The following CALU variants were observed in gnomAD, a reference collection of about 807,000 sequenced individuals.
The protein encoded by CALU is IEF SSP 9302.
Under a neutral mutation model 37.5 loss-of-function variants are expected in CALU, and 13 were observed. The ratio of observed to expected loss-of-function variants is 0.35; its 90% CI spans 0.23 to 0.55. CALU has a LOEUF of 0.55. Among genes scored for constraint, CALU ranks in the 20% least tolerant of loss-of-function variants. The pLI, the probability that CALU is intolerant of heterozygous loss-of-function variation, is 0.89. For missense variants in CALU, 282 were observed against 391.7 expected (o/e 0.72, Z 2.36); for synonymous variants, 114 against 133.8 (o/e 0.85, Z 1.02).
At chr7:128,750,286 A>G (rs1256431125) in intron 2 of CALU, among the ~76,000 whole-genome samples, 2 of 151,856 alleles carry the variant, frequency 1.3e-5, no homozygotes, top group Non-Finnish European at 2.9e-5. Flanking sequence ...TGTCATGCCC[A>G]TTAATATTGT....
Position 128,754,265 on chromosome 7 carries a change from G to C in CALU, c.225G>C (p.Lys75Asn). The change falls in exon 3 of 7, where the codon AAG (lysine) becomes AAC (asparagine). Residue 75 changes from lysine to asparagine, a missense_variant. Lys to Asn is a moderately conservative substitution (Grantham distance 94). Transcript: ENST00000249364. ...GATTTCTCTGCATTTTCTACAGAAA[G>C]ATTGTAAGTAAAATAGATGGCGACA... ...TPEESKERLG[K>N]IVSKIDGDKD... 1 of 1,605,828 alleles carries C rather than the reference G, an allele frequency of 6.2e-7. No homozygotes were observed. Among genetic ancestry groups the C allele is most frequent in the Non-Finnish European group, 8.5e-7 (1 of 1,176,398 alleles).
At chr7:128,743,626 G>T (rs545119716) in intron 1 of CALU, among the ~76,000 whole-genome samples, 33 of 151,700 alleles carry the variant, frequency 2.2e-4, no homozygotes, top group Non-Finnish European at 2.9e-4. Context: ...GGGCTCAGGC[G>T]ATCCTCCCAC....
intron 2 of CALU, 132 bp from the exon 3 acceptor site, chr7:128,754,130 G>A: frequency 1.5e-6 from 1 of 663,732 alleles, no homozygotes; most frequent in Non-Finnish European, 2.5e-6. Context: ...ATTTTTTTCA[G>A]TTGCTGGCCT....
In CALU at chr7:128,765,311, G is replaced by C. The variant is rs186470678; in HGVS notation, c.644-2145G>C. 2.0e-4 allele frequency among the ~76,000 whole-genome samples: 31 copies of C among 152,166 alleles called. No homozygotes were observed. In the South Asian group the frequency reaches 3.7e-3, roughly 18 times the overall value. On this transcript the variant is annotated intron_variant, in intron 5 of 6. Transcript: ENST00000249364. ...TCATGGTTCATTGCAGCCTCGATCT[G>C]CTAGGCTCAAGCCATCCTCCTGCCT...
rs763113986 is a variant in CALU, at chr7:128,772,063, GTT to G, written c.*2906_*2907del. ...TATTTGGGGCCACTGAGTTTTTTTT[GTT>G]TTTTTTTTTGTTTTGTTTTGTTTTT... On this transcript the variant is annotated 3_prime_UTR_variant, in exon 7 of 7. Transcript: ENST00000249364. Among the ~76,000 whole-genome samples, 2,755 of 66,664 alleles carry G rather than the reference GTT, an allele frequency of 0.041. 96 individuals are homozygous for G. Among genetic ancestry groups the G allele is most frequent in the African/African-American group, 0.11 (2,615 of 22,806 alleles). The allele number at this position is 66,664 out of a possible 152,430, so 43.7% of individuals were successfully genotyped here. A position where few individuals can be genotyped will look rare whatever the true frequency, so the allele number is the denominator to read the frequency against.
intron 3 of CALU, chr7:128,754,664 T>C (rs763607153): frequency 4.5e-6 from 7 of 1,552,210 alleles, no homozygotes; most frequent in Non-Finnish European, 6.1e-6. Flanking sequence ...TTGATATGAA[T>C]CAAGACGGCT....
intron 4 of CALU, among the ~76,000 whole-genome samples, chr7:128,759,279 T>C (rs912874062): frequency 1.3e-5 from 2 of 152,210 alleles, no homozygotes; most frequent in African/African-American, 4.8e-5. Context: ...TGTCATATAA[T>C]GTATTTTGCC....
At chr7:128,740,138 C>T (rs1453790060) in intron 1 of CALU, among the ~76,000 whole-genome samples, 1 of 152,144 alleles carries the variant, frequency 6.6e-6, no homozygotes, top group African/African-American at 2.4e-5. Flanking sequence ...TAGCATGCTG[C>T]GGTCAGAAAT....
rs1204826526 is a variant in CALU, at chr7:128,771,188, C to CTTT, written c.*2023_*2024insTTT. 6.6e-6 allele frequency: 1 copy of CTTT among 152,386 alleles called. No individual in the cohort carries two copies. The highest frequency in any genetic ancestry group is 1.5e-5 in the Non-Finnish European group (1 of 68,046). The allele number at this position is 152,386 out of a possible 1,614,324, so 9.4% of individuals were successfully genotyped here. A position where few individuals can be genotyped will look rare whatever the true frequency, so the allele number is the denominator to read the frequency against. Reference sequence around the variant, plus strand: ...CTCACTAGGTGCAGAGAGCCCAGGCCTTATGTTAAAATCATGCACTTGAAA... The same window carrying CTTT: ...CTCACTAGGTGCAGAGAGCCCAGGCCTTTTTATGTTAAAATCATGCACTTGAAA... On this transcript the variant is annotated 3_prime_UTR_variant, in exon 7 of 7. Transcript: ENST00000249364.
chr7:128,761,241 T>C (rs990679063), intron 5 of CALU: 2 of 142,354 alleles, frequency 1.4e-5, no homozygotes, highest in Non-Finnish European at 3.2e-5. Context: ...TTTTAAGATA[T>C]TCTCATTGCT....
chr7:128,754,051 G>T (rs1248192726), intron 2 of CALU, among the ~76,000 whole-genome samples: 1 of 152,186 alleles, frequency 6.6e-6, no homozygotes, highest in Non-Finnish European at 1.5e-5. Flanking sequence ...TTTGCTTTTG[G>T]ATCCAAGTGC....
chr7:128,758,618 A>G (rs1009769180), intron 3 of CALU, among the ~76,000 whole-genome samples: 4 of 152,188 alleles, frequency 2.6e-5, no homozygotes, highest in Non-Finnish European at 2.9e-5. Flanking sequence ...CTTAATACCA[A>G]TAGTGAAGCA....
Position 128,771,715 on chromosome 7 carries a change from C to T in CALU, c.*2548C>T, listed in dbSNP as rs1230774123. On this transcript the variant is annotated 3_prime_UTR_variant, in exon 7 of 7. Transcript: ENST00000249364. Reference sequence around the variant, plus strand: ...GCCGTATAACTGGAGAGACCTGCTGCTCGTTATATAATTATCTGATACCAA... The same window carrying T: ...GCCGTATAACTGGAGAGACCTGCTGTTCGTTATATAATTATCTGATACCAA... The T allele has an allele frequency of 6.6e-6, 1 of 152,190 alleles. No individual in the cohort carries two copies. Among genetic ancestry groups the T allele is most frequent in the Non-Finnish European group, 1.5e-5 (1 of 68,054 alleles). 9.4% of individuals were successfully genotyped at this position (152,190 alleles called of 1,614,324 possible).
intron 2 of CALU, among the ~76,000 whole-genome samples, chr7:128,749,707 T>G (rs1224434982): frequency 6.6e-6 from 1 of 152,224 alleles, no homozygotes; most frequent in East Asian, 1.9e-4. Context: ...AATAGATGTA[T>G]TTTTTCATTG....
intron 5 of CALU, among the ~76,000 whole-genome samples, chr7:128,765,619 T>C (rs555622381): frequency 5.2e-5 from 8 of 152,392 alleles, no homozygotes; most frequent in African/African-American, 1.9e-4. Flanking sequence ...TAAGTGTTTT[T>C]AGAGTCTTCT....
chr7:128,757,913 T>G lies in CALU; in HGVS notation c.416-958T>G, dbSNP rs548687293. On this transcript the variant is annotated intron_variant, in intron 3 of 6. Coordinates refer to ENST00000249364, the MANE Select transcript of CALU (RefSeq NM_001219.5). ...TTCAATTTGGTTGTAATCTAAGGGT[T>G]TTTTTTTTTGTATACCTTTGTCAAG... Among the ~76,000 whole-genome samples the G allele has an allele frequency of 9.8e-4, 119 of 121,710 alleles. 1 individual carries two copies. The South Asian group carries it at 0.035, about 36-fold the overall frequency. 79.8% of individuals were successfully genotyped at this position (121,710 alleles called of 152,430 possible). A position where few individuals can be genotyped will look rare whatever the true frequency, so the allele number is the denominator to read the frequency against.
rs1239648397 is a variant in CALU at position 128,770,798 on chromosome 7, T to C, written c.*1631T>C. On this transcript the variant is annotated 3_prime_UTR_variant, in exon 7 of 7. Coordinates refer to ENST00000249364, the MANE Select transcript of CALU (RefSeq NM_001219.5). Reference sequence around the variant, plus strand: ...GTTTTTAGCCCTCAGGTTACCAAGATAAATATATGTATATATAACCTTTAT... The same window carrying C: ...GTTTTTAGCCCTCAGGTTACCAAGACAAATATATGTATATATAACCTTTAT... 1 of 152,616 alleles carries C rather than the reference T, an allele frequency of 6.6e-6. No individual in the cohort carries two copies. The highest frequency in any genetic ancestry group is 1.9e-4 in the East Asian group (1 of 5,196). The allele number at this position is 152,616 out of a possible 1,614,324, so 9.5% of individuals were successfully genotyped here.
intron 4 of CALU, among the ~76,000 whole-genome samples, chr7:128,759,285 T>C (rs189815106): frequency 6.6e-6 from 1 of 152,214 alleles, no homozygotes; most frequent in Non-Finnish European, 1.5e-5. Flanking sequence ...ATAATGTATT[T>C]TGCCATTTCA....
intron 5 of CALU, among the ~76,000 whole-genome samples, chr7:128,762,008 G>A (rs1801136148): frequency 6.6e-6 from 1 of 151,484 alleles, no homozygotes; most frequent in Non-Finnish European, 1.5e-5. Flanking sequence ...AGAAGGATGA[G>A]CAATGGAAGA....
Sources: allele counts gnomAD v4.1 joint callset (sites outside exome capture counted in the v4.1 genomes callset), GRCh38; gene constraint gnomAD v4.1.1; transcripts MANE v1.5; gene names NCBI Gene and HGNC (gene_info 2026-07-23, HGNC 2026-07-21).